Variants in WEE2 observed in about 807,000 individuals in gnomAD.
The protein encoded by WEE2 is WEE2 oocyte meiosis inhibiting kinase.
In WEE2, 50 loss-of-function variants were observed where a neutral mutation model predicts 60.1. The ratio of observed to expected loss-of-function variants is 0.83; its 90% CI spans 0.66 to 1.05. WEE2 has a LOEUF of 1.05. Ranked by LOEUF, WEE2 falls within the 50% of genes least tolerant of loss-of-function variation. The pLI, the probability that WEE2 is intolerant of heterozygous loss-of-function variation, is 0.00. For synonymous variants in WEE2, 240 were observed against 241.0 expected (o/e 1.00, Z 0.04); for missense variants, 631 against 684.3 (o/e 0.92, Z 0.87).
At position 141,714,302 on chromosome 7, in the gene WEE2, G is replaced by C; in HGVS notation, c.436G>C (p.Glu146Gln). The C allele has an allele frequency of 6.2e-7, 1 of 1,613,906 alleles. No individual in the cohort carries two copies. The highest frequency in any genetic ancestry group is 8.5e-7 in the Non-Finnish European group (1 of 1,179,868). The change falls in exon 2 of 12, where the codon GAG becomes CAG. Residue 146 changes from glutamate (E) to glutamine (Q), a missense_variant. Transcript: ENST00000397541. ...GCTCACACCTGCTCCCCTCAAGGATGAGATGACCTCATTGGCTCTGGTCAA... is the reference window on the plus strand; with the variant it reads ...GCTCACACCTGCTCCCCTCAAGGATCAGATGACCTCATTGGCTCTGGTCAA... ...LKLTPAPLKD[E>Q]MTSLALVNIN...
chr7:141,708,973 AAGAC>A lies in WEE2; in HGVS notation c.217_220del (p.Asp73LysfsTer8), dbSNP rs1361781182. On this transcript the variant is annotated frameshift_variant, in exon 1 of 12. Transcript: ENST00000397541. LOFTEE classifies it high-confidence loss of function. ...CATGAGCTCGACACATCTTCGGAAAAAGACAAAGAAAGTCCAGATCAGATTTTGA... is the reference window on the plus strand; with the variant it reads ...CATGAGCTCGACACATCTTCGGAAAAAAAGAAAGTCCAGATCAGATTTTGA... 6 of 1,613,978 alleles carry A rather than the reference AAGAC, an allele frequency of 3.7e-6. No homozygotes were observed. Among genetic ancestry groups the A allele is most frequent in the Non-Finnish European group, 2.5e-6 (3 of 1,180,010 alleles).
At chr7:141,730,206 A>C (rs1421221937) in intron 11 of WEE2, 89 bp from the exon 12 acceptor site, 1 of 1,281,994 alleles carries the variant, frequency 7.8e-7, no homozygotes, top group Middle Eastern at 1.9e-4. Flanking sequence ...CCCAGACACA[A>C]TAATTGGAAG....
rs1219236433 is a variant in WEE2 at position 141,727,582 on chromosome 7, A to G, written c.1535+136A>G. 5 of 1,156,216 alleles carry G rather than the reference A, an allele frequency of 4.3e-6. No individual in the cohort carries two copies. The African/African-American group carries it at 7.7e-5, about 18-fold the overall frequency. 71.6% of individuals were successfully genotyped at this position (1,156,216 alleles called of 1,614,324 possible). Reference sequence around the variant, plus strand: ...TATAATACATAGGTCCCTGCCCACAAGGAAACTGGCAGCATGCGGCTCTTT... The same window carrying G: ...TATAATACATAGGTCCCTGCCCACAGGGAAACTGGCAGCATGCGGCTCTTT... On this transcript the variant is annotated intron_variant, in intron 10 of 11. Transcript: ENST00000397541.
intron 4 of WEE2, 180 bp from the exon 5 acceptor site, chr7:141,720,755 T>C: frequency 1.4e-6 from 1 of 728,430 alleles, no homozygotes; most frequent in South Asian, 2.2e-5. Flanking sequence ...CAGCCTTCAT[T>C]GTTTCCACTG....
chr7:141,723,150 T>A lies in WEE2; in HGVS notation c.897T>A (p.Ala299=). 6.2e-7 allele frequency: 1 copy of A among 1,614,202 alleles called. No homozygotes were observed. Residue 299 remains alanine (A), a synonymous_variant, in exon 6 of 12, where the codon GCT becomes GCA. Coordinates refer to ENST00000397541, the MANE Select transcript of WEE2 (RefSeq NM_001105558.1). ...NEYCNGGSLQ[A]AISENTKSGN... ...CTTTCCCAGGTGGGAGTTTGCAAGC[T>A]GCTATATCTGAAAACACTAAGTCTG...
At chr7:141,725,632 A>C (rs1289918216) in intron 9 of WEE2, among the ~76,000 whole-genome samples, 1 of 151,994 alleles carries the variant, frequency 6.6e-6, no homozygotes, top group Admixed American at 6.5e-5. Context: ...CTCAAAAAAA[A>C]AAAAAAAAAA....
At position 141,730,563 on chromosome 7, in the gene WEE2, C is replaced by A; in HGVS notation, c.*243C>A. The A allele has an allele frequency of 2.3e-6, 1 of 433,802 alleles. No homozygotes were observed. The highest frequency in any genetic ancestry group is 5.5e-5 in the South Asian group (1 of 18,154). 26.9% of individuals were successfully genotyped at this position (433,802 alleles called of 1,614,324 possible). ...GGAAGTGGGTCTCCTAATGTATACC[C>A]TTTCTGATATTGTATTTATTAAATA... On this transcript the variant is annotated 3_prime_UTR_variant, in exon 12 of 12. Transcript: ENST00000397541.
Position 141,730,386 on chromosome 7 carries a change from C to A in WEE2, c.*66C>A. On this transcript the variant is annotated 3_prime_UTR_variant, in exon 12 of 12. Coordinates refer to ENST00000397541, the MANE Select transcript of WEE2 (RefSeq NM_001105558.1). ...TACGAGGTTGCTGTTGCTGATTCCC[C>A]ACCAAAGATCCCAGGGACTCGTTGT... 1 of 1,416,514 alleles carries A rather than the reference C, an allele frequency of 7.1e-7. No individual in the cohort carries two copies. Among genetic ancestry groups the A allele is most frequent in the Non-Finnish European group, 9.9e-7 (1 of 1,007,402 alleles). 87.7% of individuals were successfully genotyped at this position (1,416,514 alleles called of 1,614,324 possible).
chr7:141,719,674 CT>C (rs1798871610), intron 4 of WEE2, among the ~76,000 whole-genome samples: 1 of 152,180 alleles, frequency 6.6e-6, no homozygotes, highest in African/African-American at 2.4e-5. Context: ...TGGTCTTGAT[CT>C]CTTGACCTTG....
chr7:141,731,117 G>C lies in WEE2; in HGVS notation c.*797G>C, dbSNP rs1799133284. ...TCAGGATCTGCTAGAAAATTATGTT[G>C]GTCATAAAGGTATTTGATAAGCTCT... On this transcript the variant is annotated 3_prime_UTR_variant, in exon 12 of 12. Coordinates refer to ENST00000397541, the MANE Select transcript of WEE2 (RefSeq NM_001105558.1). The C allele has an allele frequency of 6.6e-6, 1 of 151,752 alleles. No individual in the cohort carries two copies. Among genetic ancestry groups the C allele is most frequent in the East Asian group, 1.9e-4 (1 of 5,188 alleles). The allele number at this position is 151,752 out of a possible 1,614,324, so 9.4% of individuals were successfully genotyped here.
At chr7:141,715,144 T>A (rs989819978) in intron 2 of WEE2, among the ~76,000 whole-genome samples, 6 of 152,212 alleles carry the variant, frequency 3.9e-5, no homozygotes, top group African/African-American at 1.4e-4. Flanking sequence ...AATGAGTATG[T>A]GTTAATCAGT....
rs1236767851 is a variant in WEE2, at chr7:141,714,308, AC to A, written c.444del (p.Ser149HisfsTer28). On this transcript the variant is annotated frameshift_variant, in exon 2 of 12. Coordinates refer to ENST00000397541, the MANE Select transcript of WEE2 (RefSeq NM_001105558.1). LOFTEE classifies it high-confidence loss of function. ...ACCTGCTCCCCTCAAGGATGAGATG[AC>A]CTCATTGGCTCTGGTCAATATTAAT... ...LTPAPLKDEM[T>X]SLALVNINPF... 3 of 1,613,768 alleles carry A rather than the reference AC, an allele frequency of 1.9e-6. No individual in the cohort carries two copies. The highest frequency in any genetic ancestry group is 2.5e-6 in the Non-Finnish European group (3 of 1,179,872).
Position 141,730,538 on chromosome 7 carries a change from G to A in WEE2, c.*218G>A. On this transcript the variant is annotated 3_prime_UTR_variant, in exon 12 of 12. Coordinates refer to ENST00000397541, the MANE Select transcript of WEE2 (RefSeq NM_001105558.1). ...AAGAGAGAATTCCCAGCTTCTTTGA[G>A]GAAGTGGGTCTCCTAATGTATACCC... 2.0e-6 allele frequency: 1 copy of A among 508,222 alleles called. No individual in the cohort carries two copies. The highest frequency in any genetic ancestry group is 3.5e-6 in the Non-Finnish European group (1 of 286,278). 31.5% of individuals were successfully genotyped at this position (508,222 alleles called of 1,614,324 possible).
rs1446286578 is a variant in WEE2 at position 141,719,216 on chromosome 7, A to G, written c.730A>G (p.Met244Val). The change falls in exon 4 of 12, where the codon ATG (methionine) becomes GTG (valine). Residue 244 changes from methionine (M) to valine (V), a missense_variant. Met to Val is a conservative substitution (Grantham distance 21). Transcript: ENST00000397541. ...ATGTGTTTATGCAATAAAGCGCTCTATGAAAACTTTTACAGAATTATCAAA... is the reference window on the plus strand; with the variant it reads ...ATGTGTTTATGCAATAAAGCGCTCTGTGAAAACTTTTACAGAATTATCAAA... Reference protein sequence around the residue: ...DGCVYAIKRSMKTFTELSNEN... With the variant: ...DGCVYAIKRSVKTFTELSNEN... The G allele has an allele frequency of 6.2e-7, 1 of 1,610,576 alleles. No homozygotes were observed. Among genetic ancestry groups the G allele is most frequent in the Non-Finnish European group, 8.5e-7 (1 of 1,178,354 alleles).
chr7:141,708,963 T>C lies in WEE2; in HGVS notation c.205T>C (p.Ser69Pro). 1 of 1,614,104 alleles carries C rather than the reference T, an allele frequency of 6.2e-7. No homozygotes were observed. Among genetic ancestry groups the C allele is most frequent in the Non-Finnish European group, 8.5e-7 (1 of 1,180,004 alleles). ...PLSNVHELDT[S>P]SEKDKESPDQ... is the part of the protein sequence containing the mutation. ...TAGCAACGTGCATGAGCTCGACACA[T>C]CTTCGGAAAAAGACAAAGAAAGTCC... is the stretch of plus-strand genomic sequence containing the variant. Residue 69 changes from serine to proline, a missense_variant, in exon 1 of 12, where the codon TCT (serine) becomes CCT (proline). Ser to Pro is a moderately conservative substitution (Grantham distance 74). Transcript: ENST00000397541.
intron 10 of WEE2, 65 bp from the exon 11 acceptor site, chr7:141,729,465 GT>G: frequency 6.3e-7 from 1 of 1,597,822 alleles, no homozygotes; most frequent in Non-Finnish European, 8.6e-7. Context: ...TTATATATTA[GT>G]TTTGATCATA....
At chr7:141,714,544 G>A (rs1408428808) in intron 2 of WEE2, 139 bp downstream of exon 2, 2 of 645,158 alleles carry the variant, frequency 3.1e-6, no homozygotes, top group South Asian at 4.8e-5. Context: ...CCCCTTCCTA[G>A]ATATCAATGC....
chr7:141,723,114 T>A lies in WEE2; in HGVS notation c.881-20T>A. On this transcript the variant is annotated intron_variant, in intron 5 of 11. Coordinates refer to ENST00000397541, the MANE Select transcript of WEE2 (RefSeq NM_001105558.1). Reference sequence around the variant, plus strand: ...TATAAGACTCATACTGTGGGGCTGTTCTCTGTTGTTCTTTCCCAGGTGGGA... The same window carrying A: ...TATAAGACTCATACTGTGGGGCTGTACTCTGTTGTTCTTTCCCAGGTGGGA... The A allele has an allele frequency of 3.7e-6, 6 of 1,613,872 alleles. No individual in the cohort carries two copies. The highest frequency in any genetic ancestry group is 5.1e-6 in the Non-Finnish European group (6 of 1,179,836).
At position 141,730,484 on chromosome 7, in the gene WEE2, C is replaced by T. The variant is rs147720148; in HGVS notation, c.*164C>T. 7.7e-4 allele frequency: 474 copies of T among 617,624 alleles called. 5 individuals are homozygous for T. The African/African-American group carries it at 7.9e-3, about 10-fold the overall frequency. 38.3% of individuals were successfully genotyped at this position (617,624 alleles called of 1,614,324 possible). A position where few individuals can be genotyped will look rare whatever the true frequency, so the allele number is the denominator to read the frequency against. ...AGAAAATGTGCCTGGATTTCCACAG[C>T]GCTTCCCAGGTTATATGATGCTGTT... On this transcript the variant is annotated 3_prime_UTR_variant, in exon 12 of 12. Transcript: ENST00000397541.
Sources: gnomAD v4.1 joint callset for allele counts (sites outside exome capture counted in the v4.1 genomes callset) on GRCh38, gnomAD v4.1.1 for gene constraint, MANE v1.5 for transcripts, NCBI Gene and HGNC (gene_info 2026-07-23, HGNC 2026-07-21) for gene names.